The following RALYL variants were observed in gnomAD, a reference collection of about 807,000 sequenced individuals.
The protein encoded by RALYL is RNA-binding Raly-like protein.
RALYL carries 29 observed loss-of-function variants against 35.1 expected under a neutral mutation model. The ratio of observed to expected loss-of-function variants is 0.83; its 90% confidence interval spans 0.61 to 1.13. RALYL has a LOEUF of 1.13. Ranked by LOEUF, RALYL falls within the 50% of genes most tolerant of loss-of-function variation. The pLI is 0.00. For synonymous variants in RALYL, 120 were observed against 127.6 expected (o/e 0.94, Z 0.40); for missense variants, 359 against 360.4 (o/e 1.00, Z 0.03).
At chr8:84,578,044 A>T (rs138177362) in intron 2 of RALYL, among the ~76,000 whole-genome samples, 2 of 152,338 alleles carry the variant, frequency 1.3e-5, no homozygotes, top group Non-Finnish European at 2.9e-5. Flanking sequence ...TCAGCCTGGC[A>T]AGTGCACTCA....
chr8:84,738,031 G>T (rs990210883), intron 2 of RALYL, among the ~76,000 whole-genome samples: 1 of 151,986 alleles, frequency 6.6e-6, no homozygotes, highest in East Asian at 1.9e-4. Context: ...GTGTGTGATC[G>T]AATTAGGTGT....
intron 1 of RALYL, among the ~76,000 whole-genome samples, chr8:84,302,050 T>G (rs1840892913): frequency 6.6e-6 from 1 of 152,178 alleles, no homozygotes; most frequent in Admixed American, 6.5e-5. Flanking sequence ...TTTAGCCTTT[T>G]GGAGTATTAA....
chr8:84,335,615 C>T (rs1847625748), intron 1 of RALYL, among the ~76,000 whole-genome samples: 1 of 151,728 alleles, frequency 6.6e-6, no homozygotes, highest in Non-Finnish European at 1.5e-5. Flanking sequence ...TTCTCCCCTC[C>T]ACTCCCGCAA....
intron 5 of RALYL, among the ~76,000 whole-genome samples, chr8:84,851,396 C>T (rs371593975): frequency 1.3e-5 from 2 of 151,974 alleles, no homozygotes; most frequent in African/African-American, 2.4e-5. Flanking sequence ...TTTGTGTTGT[C>T]GGAGAACTGG....
rs183665887 is a variant in RALYL, at chr8:84,212,440, T to A, written c.-24+28016T>A. On this transcript the variant is annotated intron_variant, in intron 1 of 8. Transcript: ENST00000521268. ...GGAGATATGATTTTCTCAGTGTTTA[T>A]TTTAAAAAATTATTCATAGAGACAT... 6.9e-3 allele frequency among the ~76,000 whole-genome samples: 1,057 copies of A among 152,296 alleles called. 4 individuals are homozygous for A. The highest frequency in any genetic ancestry group is 0.024 in the African/African-American group (981 of 41,570).
chr8:84,424,721 G>T (rs2046134011), intron 1 of RALYL, among the ~76,000 whole-genome samples: 1 of 152,018 alleles, frequency 6.6e-6, no homozygotes, highest in Non-Finnish European at 1.5e-5. Flanking sequence ...TGTACAGGTG[G>T]GTTTTTGGTG....
chr8:84,226,825 T>G (rs1294815365), intron 1 of RALYL, among the ~76,000 whole-genome samples: 1 of 152,138 alleles, frequency 6.6e-6, no homozygotes, highest in Non-Finnish European at 1.5e-5. Flanking sequence ...GTGACCAAGA[T>G]TTAGTGACCT....
At chr8:84,255,108 A>G (rs559354803) in intron 1 of RALYL, among the ~76,000 whole-genome samples, 14 of 152,234 alleles carry the variant, frequency 9.2e-5, no homozygotes, top group African/African-American at 3.4e-4. Context: ...TCGTATCACA[A>G]AATGATATGT....
intron 1 of RALYL, among the ~76,000 whole-genome samples, chr8:84,230,020 A>G (rs1330630347): frequency 6.6e-6 from 1 of 152,206 alleles, no homozygotes; most frequent in Non-Finnish European, 1.5e-5. Flanking sequence ...ACTCCTAATT[A>G]GTTTGAGAAG....
intron 1 of RALYL, among the ~76,000 whole-genome samples, chr8:84,214,940 C>G (rs556246120): frequency 1.3e-5 from 2 of 151,846 alleles, no homozygotes; most frequent in East Asian, 3.9e-4. Flanking sequence ...GAGTCTCACT[C>G]TGTCACCCAG....
intron 2 of RALYL, among the ~76,000 whole-genome samples, chr8:84,696,404 G>T (rs1839158077): frequency 6.6e-6 from 1 of 151,730 alleles, no homozygotes; most frequent in African/African-American, 2.4e-5. Flanking sequence ...CTGAAATCTT[G>T]GTTCCTTCTT....
intron 1 of RALYL, among the ~76,000 whole-genome samples, chr8:84,405,142 A>C (rs1215514170): frequency 6.6e-6 from 1 of 152,152 alleles, no homozygotes; most frequent in Non-Finnish European, 1.5e-5. Context: ...TTAAGGCAGA[A>C]ATAAAGATGT....
intron 1 of RALYL, among the ~76,000 whole-genome samples, chr8:84,213,326 G>T (rs1819969290): frequency 6.6e-6 from 1 of 152,084 alleles, no homozygotes; most frequent in Admixed American, 6.5e-5. Flanking sequence ...GGGAGACAGA[G>T]GTTGCAGTGA....
chr8:84,523,215 G>A (rs1050685945), intron 1 of RALYL, among the ~76,000 whole-genome samples: 1 of 151,902 alleles, frequency 6.6e-6, no homozygotes, highest in Admixed American at 6.6e-5. Context: ...ATGGCGGAAG[G>A]TGAATGAAGA....
At chr8:84,517,734 A>G (rs924471458) in intron 1 of RALYL, among the ~76,000 whole-genome samples, 2 of 152,200 alleles carry the variant, frequency 1.3e-5, no homozygotes, top group Non-Finnish European at 2.9e-5. Flanking sequence ...CACTGAAGAA[A>G]AATAGTCTAG....
At chr8:84,838,031 C>T (rs763288570) in intron 4 of RALYL, among the ~76,000 whole-genome samples, 19 of 151,944 alleles carry the variant, frequency 1.3e-4, no homozygotes, top group African/African-American at 3.1e-4. Flanking sequence ...AAAGTGAGAG[C>T]GACAAAAGTT....
chr8:84,689,049 C>A (rs542664318), intron 2 of RALYL, among the ~76,000 whole-genome samples: 15 of 151,822 alleles, frequency 9.9e-5, no homozygotes, highest in African/African-American at 3.6e-4. Flanking sequence ...CTGACTCATA[C>A]ACATTGGAAT....
intron 2 of RALYL, among the ~76,000 whole-genome samples, chr8:84,699,756 G>C (rs1468925212): frequency 6.6e-6 from 1 of 152,148 alleles, no homozygotes; most frequent in East Asian, 1.9e-4. Flanking sequence ...ATATGTCTGT[G>C]AGGTAGTTTG....
intron 1 of RALYL, among the ~76,000 whole-genome samples, chr8:84,495,249 T>A (rs191629648): frequency 6.6e-6 from 1 of 152,244 alleles, no homozygotes; most frequent in East Asian, 1.9e-4. Flanking sequence ...TGAAAAATAA[T>A]CACCTGGAAA....
Sources: allele counts gnomAD v4.1 joint callset (sites outside exome capture counted in the v4.1 genomes callset), GRCh38; gene constraint gnomAD v4.1.1; transcripts MANE v1.5; gene names NCBI Gene and HGNC (gene_info 2026-07-23, HGNC 2026-07-21).